Variants in SLC2A13 observed in about 807,000 individuals in gnomAD.
The protein encoded by SLC2A13 is solute carrier family 2 member 13.
SLC2A13 carries 32 observed loss-of-function variants against 64.4 expected under a neutral mutation model. The ratio of observed to expected loss-of-function variants is 0.50; its 90% CI spans 0.37 to 0.67. The LOEUF is 0.67. Among genes scored for constraint, SLC2A13 ranks in the 30% least tolerant of loss-of-function variants. SLC2A13 has a pLI of 0.00. For synonymous variants in SLC2A13, 338 were observed against 327.1 expected (o/e 1.03, Z -0.36); for missense variants, 743 against 829.2 (o/e 0.90, Z 1.28).
intron 3 of SLC2A13, among the ~76,000 whole-genome samples, chr12:39,981,587 A>G (rs1362640096): frequency 2.6e-5 from 4 of 151,224 alleles, no homozygotes; most frequent in Non-Finnish European, 5.9e-5. Flanking sequence ...AGAAATGGAT[A>G]CATTCCTCGA....
chr12:39,762,080 C>CA (rs1032149609), intron 9 of SLC2A13, among the ~76,000 whole-genome samples: 25 of 152,158 alleles, frequency 1.6e-4, no homozygotes, highest in Non-Finnish European at 2.6e-4. Flanking sequence ...GACCGTTTTA[C>CA]AAAATCTGAG....
At chr12:39,796,702 G>T (rs1941586821) in intron 7 of SLC2A13, among the ~76,000 whole-genome samples, 1 of 152,096 alleles carries the variant, frequency 6.6e-6, no homozygotes, top group South Asian at 2.1e-4. Context: ...TAATATGATT[G>T]AAATCAACTT....
intron 7 of SLC2A13, among the ~76,000 whole-genome samples, chr12:39,789,486 T>C (rs949525148): frequency 6.6e-6 from 1 of 152,166 alleles, no homozygotes; most frequent in Non-Finnish European, 1.5e-5. Flanking sequence ...AAATTACAAA[T>C]AATGCTGCTA....
At chr12:40,099,131 G>A (rs1490945057) in intron 1 of SLC2A13, among the ~76,000 whole-genome samples, 4 of 152,204 alleles carry the variant, frequency 2.6e-5, no homozygotes, top group Admixed American at 6.5e-5. Context: ...AGAAGTACCC[G>A]TAAAACTTTT....
rs28370748 is a variant in SLC2A13, at chr12:39,992,710, T to G, written c.925+35591A>C. ...ATATATGTTCTTAGTAGTAGTAGTA[T>G]TAACAGGTGTATGTCATTATAGTTT... On this transcript the variant is annotated intron_variant, in intron 3 of 9. Transcript: ENST00000280871. Among the ~76,000 whole-genome samples the G allele has an allele frequency of 9.5e-3, 1,449 of 152,256 alleles. 16 individuals carry two copies. The highest frequency in any genetic ancestry group is 0.033 in the African/African-American group (1,359 of 41,532).
At chr12:39,768,442 ATC>A (rs1411000106) in intron 7 of SLC2A13, among the ~76,000 whole-genome samples, 66 of 152,230 alleles carry the variant, frequency 4.3e-4, no homozygotes, top group African/African-American at 1.6e-3. Context: ...CTTTCAGCCT[ATC>A]TCAGCTTTCA....
chr12:39,878,557 C>T (rs940194666), intron 4 of SLC2A13, among the ~76,000 whole-genome samples: 4 of 152,126 alleles, frequency 2.6e-5, no homozygotes, highest in Admixed American at 6.5e-5. Context: ...AGATTGATTA[C>T]TACAGTATCT....
At chr12:40,059,705 G>C (rs1041576756) in intron 1 of SLC2A13, among the ~76,000 whole-genome samples, 2 of 152,084 alleles carry the variant, frequency 1.3e-5, no homozygotes, top group East Asian at 1.9e-4. Flanking sequence ...CATTGAAAAG[G>C]CATGATTGAA....
rs1940031716 is a variant in SLC2A13 at position 39,758,569 on chromosome 12, A to G, written c.*1457T>C. Reference sequence around the variant, plus strand: ...GATCAAGTAATTTTGTACATACTATATAGTTCTTAATAGAAAAGCAAAAAT... The same window carrying G: ...GATCAAGTAATTTTGTACATACTATGTAGTTCTTAATAGAAAAGCAAAAAT... On this transcript the variant is annotated 3_prime_UTR_variant, in exon 10 of 10. Transcript: ENST00000280871. The G allele has an allele frequency of 6.6e-6, 1 of 152,026 alleles. No individual in the cohort carries two copies. Among genetic ancestry groups the G allele is most frequent in the African/African-American group, 2.4e-5 (1 of 41,422 alleles). 9.4% of individuals were successfully genotyped at this position (152,026 alleles called of 1,614,324 possible). A position where few individuals can be genotyped will look rare whatever the true frequency, so the allele number is the denominator to read the frequency against.
At chr12:40,039,462 C>A (rs2136228263) in intron 2 of SLC2A13, among the ~76,000 whole-genome samples, 1 of 152,274 alleles carries the variant, frequency 6.6e-6, no homozygotes, top group East Asian at 1.9e-4. Context: ...ATCTCTTATT[C>A]ATTCCTGTGT....
chr12:39,795,812 C>T (rs6581346), intron 7 of SLC2A13, among the ~76,000 whole-genome samples: 149,211 of 152,284 alleles, frequency 0.98, 73,110 homozygotes, highest in East Asian at 1. Flanking sequence ...CAAGCCATGG[C>T]TGAGGGAGGA....
chr12:39,762,637 CAT>C (rs1940196726), intron 9 of SLC2A13, among the ~76,000 whole-genome samples: 1 of 151,940 alleles, frequency 6.6e-6, no homozygotes, highest in African/African-American at 2.4e-5. Context: ...ACAAAGAAGA[CAT>C]AACTATTTCC....
chr12:40,027,042 T>C (rs1391127997), intron 3 of SLC2A13, among the ~76,000 whole-genome samples: 2 of 150,594 alleles, frequency 1.3e-5, no homozygotes, highest in African/African-American at 4.9e-5. Context: ...ATCGCGCCAT[T>C]GCACTCCAAC....
intron 1 of SLC2A13, among the ~76,000 whole-genome samples, chr12:40,057,426 T>G (rs1354130354): frequency 6.6e-6 from 1 of 152,142 alleles, no homozygotes; most frequent in Non-Finnish European, 1.5e-5. Context: ...AAAAACAGCT[T>G]GTCCATAAAG....
intron 4 of SLC2A13, among the ~76,000 whole-genome samples, chr12:39,894,830 G>A (rs546796304): frequency 6.6e-6 from 1 of 151,796 alleles, no homozygotes; most frequent in South Asian, 2.1e-4. Flanking sequence ...TAAAGAGAGG[G>A]AAAGAAAGCA....
At chr12:39,895,297 T>G (rs974769182) in intron 4 of SLC2A13, among the ~76,000 whole-genome samples, 3 of 151,698 alleles carry the variant, frequency 2.0e-5, no homozygotes, top group Non-Finnish European at 4.4e-5. Context: ...GAGACCATCC[T>G]GGCTAATACG....
At chr12:39,942,518 C>T (rs906697574) in intron 4 of SLC2A13, among the ~76,000 whole-genome samples, 5 of 152,100 alleles carry the variant, frequency 3.3e-5, no homozygotes, top group African/African-American at 9.7e-5. Context: ...TGCTTGGTTG[C>T]TGTTGGTGTA....
chr12:39,812,840 T>G (rs1274797804), intron 7 of SLC2A13, among the ~76,000 whole-genome samples: 1 of 144,672 alleles, frequency 6.9e-6, no homozygotes, highest in Non-Finnish European at 1.5e-5. Flanking sequence ...ATTACCTTTT[T>G]TTTTTTTTTT....
chr12:39,850,931 G>C (rs895997559), intron 6 of SLC2A13, among the ~76,000 whole-genome samples: 1 of 147,846 alleles, frequency 6.8e-6, no homozygotes, highest in South Asian at 2.1e-4. Context: ...ATGGAGTCTT[G>C]CTTTGTTGCC....
Sources: allele counts gnomAD v4.1 joint callset (sites outside exome capture counted in the v4.1 genomes callset), GRCh38; gene constraint gnomAD v4.1.1; transcripts MANE v1.5; gene names NCBI Gene and HGNC (gene_info 2026-07-23, HGNC 2026-07-21).